The following TTF1 variants were observed in gnomAD, a reference collection of about 807,000 sequenced individuals.
The protein encoded by TTF1 is transcription termination factor 1.
TTF1 carries 64 observed loss-of-function variants against 80.2 expected under a neutral mutation model. The observed-to-expected ratio is 0.80, with a 90% CI of 0.65 to 0.98. TTF1 has a LOEUF of 0.98. Ranked by LOEUF, TTF1 falls within the 50% of genes least tolerant of loss-of-function variation. The pLI, the probability that TTF1 is intolerant of heterozygous loss-of-function variation, is 0.00. For missense variants in TTF1, 1,023 were observed against 1,086.2 expected (o/e 0.94, Z 0.82); for synonymous variants, 372 against 382.7 (o/e 0.97, Z 0.33).
At chr9:132,393,399 G>A (rs1849595388) in intron 5 of TTF1, among the ~76,000 whole-genome samples, 1 of 152,228 alleles carries the variant, frequency 6.6e-6, no homozygotes, top group South Asian at 2.1e-4. Flanking sequence ...CCCACCCAGG[G>A]CGGAAAACCG....
chr9:132,381,467 G>A (rs1442977039), intron 9 of TTF1, among the ~76,000 whole-genome samples: 6 of 152,226 alleles, frequency 3.9e-5, no homozygotes, highest in African/African-American at 1.2e-4. Flanking sequence ...TGGGATTACA[G>A]GCGTGAATCA....
chr9:132,382,137 A>G (rs1849381041), intron 9 of TTF1, among the ~76,000 whole-genome samples: 1 of 152,218 alleles, frequency 6.6e-6, no homozygotes, highest in African/African-American at 2.4e-5. Flanking sequence ...GGGCCCTCCA[A>G]TCGCAGGAAC....
Position 132,390,705 on chromosome 9 carries a change from G to C in TTF1, c.2114C>G (p.Pro705Arg). The change falls in exon 7 of 11, where the codon CCT (proline) becomes CGT (arginine). Residue 705 changes from proline (P) to arginine (R), a missense_variant. Coordinates refer to ENST00000334270, the MANE Select transcript of TTF1 (RefSeq NM_007344.4). ...CCGAACAATTGATAGGCAACTTTCA[G>C]GATTTTCTTGGAGTTTGGAATCCAC... Reference protein sequence around the residue: ...KEVDSKLQENPESCLSIVREK... With the variant: ...KEVDSKLQENRESCLSIVREK... 6.2e-7 allele frequency: 1 copy of C among 1,614,212 alleles called. No homozygotes were observed. The highest frequency in any genetic ancestry group is 1.1e-5 in the South Asian group (1 of 91,082).
At position 132,387,118 on chromosome 9, in the gene TTF1, C is replaced by T. The variant is rs118112078; in HGVS notation, c.2313-497G>A. ...AACCATAAGCACGTGGCACCATGCC[C>T]GGCTAATTTTTTAGATTTTTTGTAG... On this transcript the variant is annotated intron_variant, in intron 8 of 10. Transcript: ENST00000334270. 2.9e-3 allele frequency among the ~76,000 whole-genome samples: 448 copies of T among 152,188 alleles called. 27 individuals carry two copies. The East Asian group carries it at 0.074, about 25-fold the overall frequency.
At position 132,401,948 on chromosome 9, in the gene TTF1, C is replaced by T. The variant is rs777791856; in HGVS notation, c.874G>A (p.Ala292Thr). 3 of 1,612,332 alleles carry T rather than the reference C, an allele frequency of 1.9e-6. No individual in the cohort carries two copies. Among genetic ancestry groups the T allele is most frequent in the Non-Finnish European group, 2.5e-6 (3 of 1,179,718 alleles). The change falls in exon 2 of 11, where the codon GCC becomes ACC. Residue 292 changes from alanine to threonine, a missense_variant. By Grantham distance (58) the Ala-to-Thr change is moderately conservative (BLOSUM62 0). Coordinates refer to ENST00000334270, the MANE Select transcript of TTF1 (RefSeq NM_007344.4). ...KSNHQEFEAL[A>T]MPEGSQVGSE... The stretch of plus-strand genomic sequence containing the variant: ...CCCACTTGTGATCCTTCAGGCATGG[C>T]CAATGCCTCAAATTCCTGGTGATTG...
chr9:132,395,422 G>A (rs1849630565), intron 5 of TTF1, among the ~76,000 whole-genome samples: 1 of 152,060 alleles, frequency 6.6e-6, no homozygotes. Context: ...CTGTGTGTGT[G>A]TCACAGGTGG....
At chr9:132,386,380 A>G (rs1156276521) in intron 9 of TTF1, among the ~76,000 whole-genome samples, 176 bp downstream of exon 9, 2 of 152,196 alleles carry the variant, frequency 1.3e-5, no homozygotes, top group Non-Finnish European at 2.9e-5. Context: ...CTAAAATTAC[A>G]GTTTCCTCTG....
Position 132,400,023 on chromosome 9 carries a change from C to G in TTF1, c.1591+12G>C. The G allele has an allele frequency of 6.2e-7, 1 of 1,613,912 alleles. No individual in the cohort carries two copies. The highest frequency in any genetic ancestry group is 8.5e-7 in the Non-Finnish European group (1 of 1,179,816). On this transcript the variant is annotated intron_variant, in intron 3 of 10. Transcript: ENST00000334270. ...AGGAAGTTCAACAAACACTAAGGCC[C>G]CACAAGCTCACCTTGTGCTTTAAAT...
At chr9:132,378,052 TGTG>T (rs1352919193) in intron 10 of TTF1, among the ~76,000 whole-genome samples, 3 of 123,066 alleles carry the variant, frequency 2.4e-5, no homozygotes, top group African/African-American at 6.4e-5. Context: ...TGTGAATGCA[TGTG>T]GTGTGTGAGT....
rs757246175 is a variant in TTF1 at position 132,400,059 on chromosome 9, G to A, written c.1567C>T (p.Arg523Trp). Residue 523 changes from arginine to tryptophan, a missense_variant, in exon 3 of 11, where the codon CGG becomes TGG. Arg to Trp is a moderately radical substitution (Grantham distance 101, BLOSUM62 -3). Coordinates refer to ENST00000334270, the MANE Select transcript of TTF1 (RefSeq NM_007344.4). The stretch of plus-strand genomic sequence containing the variant: ...CCTTGTGCTTTAAATTCCTTAAACC[G>A]TTCCAAGTCGTCCCGGTACATCCGC... ...IKRMYRDDLE[R>W]FKEFKAQGVA... is the part of the protein sequence containing the mutation. The A allele has an allele frequency of 9.3e-6, 15 of 1,614,142 alleles. No homozygotes were observed. Among genetic ancestry groups the A allele is most frequent in the Admixed American group, 5.0e-5 (3 of 60,008 alleles).
intron 9 of TTF1, 104 bp downstream of exon 9, chr9:132,386,452 C>G: frequency 9.9e-7 from 1 of 1,005,854 alleles, no homozygotes; most frequent in Non-Finnish European, 1.5e-6. Context: ...TACAAAATTC[C>G]AAATGCAGCA....
chr9:132,385,464 C>G (rs1849448662), intron 9 of TTF1, among the ~76,000 whole-genome samples: 1 of 152,170 alleles, frequency 6.6e-6, no homozygotes, highest in Non-Finnish European at 1.5e-5. Flanking sequence ...GGCCTGCACA[C>G]GCACCCAGCC....
chr9:132,399,328 TTTTGC>T (rs1221286301), intron 3 of TTF1, among the ~76,000 whole-genome samples: 3 of 152,150 alleles, frequency 2.0e-5, no homozygotes, highest in Admixed American at 1.3e-4. Flanking sequence ...GTGCTGTCTT[TTTTGC>T]TTAATTTGTC....
chr9:132,406,217 G>C (rs1849863305), intron 1 of TTF1, among the ~76,000 whole-genome samples: 1 of 152,166 alleles, frequency 6.6e-6, no homozygotes, highest in Admixed American at 6.5e-5. Context: ...TGGGGTGCGA[G>C]AGAGACCCCG....
intron 9 of TTF1, among the ~76,000 whole-genome samples, chr9:132,379,524 C>A (rs61049439): frequency 3.3e-5 from 5 of 152,158 alleles, no homozygotes; most frequent in African/African-American, 9.7e-5. Context: ...ATAATCCTCA[C>A]GACAACTCAA....
chr9:132,387,291 T>C (rs1278797428), intron 8 of TTF1, among the ~76,000 whole-genome samples: 1 of 149,014 alleles, frequency 6.7e-6, no homozygotes, highest in Non-Finnish European at 1.5e-5. Context: ...ACAGTAACCC[T>C]CCCCCCCCAA....
At chr9:132,403,476 G>A (rs1235588978) in intron 1 of TTF1, among the ~76,000 whole-genome samples, 1 of 151,504 alleles carries the variant, frequency 6.6e-6, no homozygotes, top group Non-Finnish European at 1.5e-5. Flanking sequence ...TTCCCCCCCA[G>A]CTCTCCATGA....
intron 1 of TTF1, among the ~76,000 whole-genome samples, chr9:132,406,071 G>C (rs1002983259): frequency 1.3e-5 from 2 of 152,146 alleles, no homozygotes; most frequent in African/African-American, 2.4e-5. Flanking sequence ...TGGCCATCTT[G>C]CTCCCAAATG....
chr9:132,378,238 G>GGTGT (rs1849280325), intron 10 of TTF1, among the ~76,000 whole-genome samples: 1 of 121,340 alleles, frequency 8.2e-6, no homozygotes, highest in Non-Finnish European at 1.7e-5. Flanking sequence ...GCATGCATGT[G>GGTGT]GTGTGAGTGC....
Sources: allele counts gnomAD v4.1 joint callset (sites outside exome capture counted in the v4.1 genomes callset), GRCh38; gene constraint gnomAD v4.1.1; transcripts MANE v1.5; gene names NCBI Gene and HGNC (gene_info 2026-07-23, HGNC 2026-07-21).